EHBP1: variants seen among roughly 807,000 people sequenced by gnomAD.
EHBP1 encodes EH domain-binding protein 1.
In EHBP1, 55 loss-of-function variants were observed where a neutral mutation model predicts 144.0. That is an observed-to-expected ratio of 0.38 (90% CI 0.31 to 0.48). The LOEUF is 0.48. EHBP1 is among the 20% of genes least tolerant of loss of function. The pLI, the probability that EHBP1 is intolerant of heterozygous loss-of-function variation, is 0.98. For missense variants in EHBP1, 1,200 were observed against 1,364.2 expected (o/e 0.88, Z 1.90); for synonymous variants, 469 against 472.7 (o/e 0.99, Z 0.10).
At chr2:62,912,195 A>G (rs1456690478) in intron 10 of EHBP1, among the ~76,000 whole-genome samples, 1 of 152,104 alleles carries the variant, frequency 6.6e-6, no homozygotes, top group African/African-American at 2.4e-5. Flanking sequence ...ATTAAATCCT[A>G]TGTTGTTGTG....
intron 2 of EHBP1, among the ~76,000 whole-genome samples, chr2:62,714,273 G>A (rs895059171): frequency 2.0e-5 from 3 of 152,142 alleles, no homozygotes; most frequent in Non-Finnish European, 2.9e-5. Context: ...GCTTTAAGTC[G>A]TGGGAGTTAC....
chr2:62,802,271 G>A (rs559038049), intron 5 of EHBP1, among the ~76,000 whole-genome samples: 2 of 152,316 alleles, frequency 1.3e-5, no homozygotes, highest in Admixed American at 1.3e-4. Flanking sequence ...GTCTGGAGAA[G>A]TTTTTGAGAG....
intron 14 of EHBP1, among the ~76,000 whole-genome samples, chr2:62,966,641 T>A (rs1197597186): frequency 1.3e-5 from 2 of 152,188 alleles, no homozygotes; most frequent in Admixed American, 1.3e-4. Context: ...CTTATTTTCA[T>A]AATATTAAAA....
At position 63,001,541 on chromosome 2, in the gene EHBP1, G is replaced by A. The variant is rs142829479; in HGVS notation, c.3103+4775G>A. On this transcript the variant is annotated intron_variant, in intron 19 of 22. Coordinates refer to ENST00000431489, the MANE Select transcript of EHBP1 (RefSeq NM_001142616.3). ...ACAAAAAATAAAAATCAAGATGACAGTAATGGCCAATATTTTTTGCATGCT... is the reference window on the plus strand; with the variant it reads ...ACAAAAAATAAAAATCAAGATGACAATAATGGCCAATATTTTTTGCATGCT... Among the ~76,000 whole-genome samples the A allele has an allele frequency of 2.2e-3, 340 of 152,252 alleles. 2 individuals carry two copies. Among genetic ancestry groups the A allele is most frequent in the African/African-American group, 7.7e-3 (318 of 41,562 alleles).
At chr2:63,020,418 G>A (rs1052808590) in intron 19 of EHBP1, among the ~76,000 whole-genome samples, 4 of 149,126 alleles carry the variant, frequency 2.7e-5, no homozygotes, top group African/African-American at 4.9e-5. Context: ...CAGGAGAATC[G>A]CTTGAACCCA....
intron 19 of EHBP1, among the ~76,000 whole-genome samples, chr2:63,028,559 C>A (rs1390155532): frequency 2.6e-5 from 4 of 152,066 alleles, no homozygotes; most frequent in African/African-American, 9.7e-5. Flanking sequence ...TGCTCCACCA[C>A]CCCCAGCCAA....
chr2:62,975,923 CACACACACACACAT>C (rs1301759349), intron 14 of EHBP1, among the ~76,000 whole-genome samples: 1 of 149,462 alleles, frequency 6.7e-6, no homozygotes, highest in Non-Finnish European at 1.5e-5. Flanking sequence ...CACACACACA[CACACACACACACAT>C]ATATAGTAGA....
chr2:62,946,938 G>A (rs1005741131), intron 12 of EHBP1, among the ~76,000 whole-genome samples: 2 of 152,106 alleles, frequency 1.3e-5, no homozygotes, highest in Non-Finnish European at 2.9e-5. Flanking sequence ...ATAAAAAAAG[G>A]CATTTTCCTG....
At chr2:62,700,341 T>C (rs1438483055) in intron 1 of EHBP1, among the ~76,000 whole-genome samples, 1 of 152,200 alleles carries the variant, frequency 6.6e-6, no homozygotes, top group Non-Finnish European at 1.5e-5. Flanking sequence ...TTTCAAGCTT[T>C]GATTTCACAA....
intron 14 of EHBP1, among the ~76,000 whole-genome samples, chr2:62,974,156 A>G (rs919544609): frequency 2.0e-5 from 3 of 152,112 alleles, no homozygotes; most frequent in Non-Finnish European, 2.9e-5. Context: ...ATTTCACTTG[A>G]ATGTTAGACC....
At chr2:62,784,441 T>A (rs1390475301) in intron 5 of EHBP1, among the ~76,000 whole-genome samples, 1 of 152,176 alleles carries the variant, frequency 6.6e-6, no homozygotes, top group African/African-American at 2.4e-5. Flanking sequence ...TTCACCTGCA[T>A]GTAGTTCTCA....
At chr2:63,035,975 A>C (rs2061426716) in intron 19 of EHBP1, among the ~76,000 whole-genome samples, 1 of 152,028 alleles carries the variant, frequency 6.6e-6, no homozygotes, top group Admixed American at 6.6e-5. Flanking sequence ...CAGACTCTAA[A>C]AGAATCTGTC....
At chr2:62,743,566 A>T (rs2038906214) in intron 2 of EHBP1, among the ~76,000 whole-genome samples, 2 of 152,120 alleles carry the variant, frequency 1.3e-5, no homozygotes. Context: ...TCGAATGCTT[A>T]TTATGATTAT....
chr2:62,967,470 GT>G (rs1558996475), intron 14 of EHBP1, among the ~76,000 whole-genome samples: 1 of 152,134 alleles, frequency 6.6e-6, no homozygotes. Flanking sequence ...AAAAGGCTAG[GT>G]ATAGATCCTA....
intron 19 of EHBP1, among the ~76,000 whole-genome samples, chr2:63,021,006 TGAGACAAGGTC>T (rs2060719738): frequency 6.8e-6 from 1 of 146,772 alleles, no homozygotes. Context: ...TTTTTTTTTT[TGAGACAAGGTC>T]TCTCTATGTT....
At chr2:63,026,927 G>A (rs564352028) in intron 19 of EHBP1, among the ~76,000 whole-genome samples, 4 of 152,160 alleles carry the variant, frequency 2.6e-5, no homozygotes, top group Non-Finnish European at 4.4e-5. Context: ...CAGCATGAGG[G>A]TTTTCTTGTT....
chr2:62,830,448 A>G (rs1415673648), intron 6 of EHBP1, among the ~76,000 whole-genome samples: 2 of 151,986 alleles, frequency 1.3e-5, no homozygotes, highest in Non-Finnish European at 2.9e-5. Context: ...ATCTTCTTTT[A>G]AGAATTGTCT....
rs182708594 is a variant in EHBP1 at position 62,791,100 on chromosome 2, T to G, written c.312+19708T>G. Among the ~76,000 whole-genome samples, 3 of 152,176 alleles carry G rather than the reference T, an allele frequency of 2.0e-5. No homozygotes were observed. In the East Asian group the frequency reaches 5.8e-4, roughly 29 times the overall value. ...GGAAACTAAGATATCATCTGGTAACTAGCCCAAAGTCATATTGCTAATGAG... is the reference window on the plus strand; with the variant it reads ...GGAAACTAAGATATCATCTGGTAACGAGCCCAAAGTCATATTGCTAATGAG... On this transcript the variant is annotated intron_variant, in intron 5 of 22. Transcript: ENST00000431489.
At chr2:63,000,365 T>C (rs1484476789) in intron 19 of EHBP1, among the ~76,000 whole-genome samples, 1 of 152,042 alleles carries the variant, frequency 6.6e-6, no homozygotes, top group African/African-American at 2.4e-5. Flanking sequence ...GCAGCCATGC[T>C]GTGTATGTGA....
Sources: allele counts gnomAD v4.1 joint callset (sites outside exome capture counted in the v4.1 genomes callset), GRCh38; gene constraint gnomAD v4.1.1; transcripts MANE v1.5; gene names NCBI Gene and HGNC (gene_info 2026-07-23, HGNC 2026-07-21).